CACNA1C: variants seen among roughly 807,000 people sequenced by gnomAD.
CACNA1C encodes the protein voltage-dependent L-type calcium channel subunit alpha-1C.
CACNA1C carries 30 observed loss-of-function variants against 229.0 expected under a neutral mutation model. That is an observed-to-expected ratio of 0.13 (90% CI 0.10 to 0.18). The LOEUF (loss-of-function observed/expected upper bound fraction) is 0.18. CACNA1C is among the 10% of genes least tolerant of loss of function. The pLI, the probability that CACNA1C is intolerant of heterozygous loss-of-function variation, is 1.00. For missense variants in CACNA1C, 1,658 were observed against 2,845.0 expected, an observed-to-expected ratio of 0.58 and a Z score of 9.49; for synonymous variants, 1,114 against 1,132.5, an observed-to-expected ratio of 0.98 and a Z score of 0.33.
intron 39 of CACNA1C, chr12:2,676,390 A>G (rs2153781012): frequency 6.6e-6 from 1 of 152,334 alleles, no homozygotes; most frequent in East Asian, 1.9e-4. Context: ...GCATCTCTTC[A>G]CAAAGAACCA....
At chr12:2,050,014 T>C (rs991487815), upstream of CACNA1C, among the ~76,000 whole-genome samples, 3 of 152,232 alleles carry the variant, frequency 2.0e-5, no homozygotes, top group African/African-American at 7.2e-5. Flanking sequence ...GAGGTAATAT[T>C]TACTTGCTAG....
At chr12:2,631,454 G>A (rs1307138161) in intron 29 of CACNA1C, among the ~76,000 whole-genome samples, 1 of 152,204 alleles carries the variant, frequency 6.6e-6, no homozygotes, top group African/African-American at 2.4e-5. Flanking sequence ...GGGTCACCCA[G>A]TGTTTTCCAA....
chr12:2,253,584 G>A (rs2076365174), intron 3 of CACNA1C, among the ~76,000 whole-genome samples: 1 of 152,208 alleles, frequency 6.6e-6, no homozygotes, highest in Non-Finnish European at 1.5e-5. Context: ...AAGAACATCT[G>A]CTGTGGAAAT....
At chr12:2,553,096 G>A (rs1233117909) in intron 10 of CACNA1C, among the ~76,000 whole-genome samples, 1 of 152,144 alleles carries the variant, frequency 6.6e-6, no homozygotes, top group Non-Finnish European at 1.5e-5. Context: ...GAAAATGAAA[G>A]AAGAGGAGTC....
chr12:2,161,793 A>AT (rs2154248151), intron 3 of CACNA1C, among the ~76,000 whole-genome samples: 1 of 152,322 alleles, frequency 6.6e-6, no homozygotes, highest in African/African-American at 2.4e-5. Context: ...ACCGTATATC[A>AT]AACTTTGCAA....
chr12:2,650,255 C>A (rs2094808764), intron 31 of CACNA1C, among the ~76,000 whole-genome samples: 1 of 152,220 alleles, frequency 6.6e-6, no homozygotes, highest in Admixed American at 6.5e-5. Context: ...TCATAATCTC[C>A]TGTCCTGCAT....
chr12:2,519,366 G>A (rs1196957637), intron 9 of CACNA1C, among the ~76,000 whole-genome samples: 1 of 152,232 alleles, frequency 6.6e-6, no homozygotes. Flanking sequence ...TAAGCTGTTG[G>A]AACAGGTGAG....
intron 9 of CACNA1C, among the ~76,000 whole-genome samples, chr12:2,542,725 C>CAGGT (rs1285606077): frequency 6.6e-6 from 1 of 152,122 alleles, no homozygotes; most frequent in African/African-American, 2.4e-5. Context: ...CACACCAAAG[C>CAGGT]AGGTCGGGGG....
chr12:2,620,460 GA>G (rs1227991012), intron 29 of CACNA1C, among the ~76,000 whole-genome samples: 1 of 152,178 alleles, frequency 6.6e-6, no homozygotes, highest in African/African-American at 2.4e-5. Flanking sequence ...ATCCGAGACA[GA>G]AAGAAAGAAA....
chr12:2,450,548 C>A (rs1249980409), intron 4 of CACNA1C, among the ~76,000 whole-genome samples: 1 of 70,460 alleles, frequency 1.4e-5, no homozygotes, highest in Non-Finnish European at 2.3e-5. Flanking sequence ...AGCGAGACTC[C>A]ATCTCAAAAA....
At chr12:2,303,664 G>A (rs2094763316) in intron 3 of CACNA1C, among the ~76,000 whole-genome samples, 1 of 152,162 alleles carries the variant, frequency 6.6e-6, no homozygotes, top group Non-Finnish European at 1.5e-5. Flanking sequence ...GAGGTGCTAG[G>A]GGTGAGGGCT....
intron 3 of CACNA1C, among the ~76,000 whole-genome samples, chr12:2,389,853 G>A (rs2098454871): frequency 6.6e-6 from 1 of 152,016 alleles, no homozygotes; most frequent in Non-Finnish European, 1.5e-5. Flanking sequence ...CACTCCCTCT[G>A]TCCCCTGGGC....
Position 2,570,584 on chromosome 12 carries a change from C to T in CACNA1C, c.1895+2790C>T, listed in dbSNP as rs146304969. Among the ~76,000 whole-genome samples, 205 of 152,164 alleles carry T rather than the reference C, an allele frequency of 1.3e-3. 1 individual carries two copies. Among genetic ancestry groups the T allele is most frequent in the African/African-American group, 4.8e-3 (201 of 41,500 alleles). On this transcript the variant is annotated intron_variant, in intron 13 of 46. Transcript: ENST00000399655. Reference sequence around the variant, plus strand: ...CTTGTTCTTACTTATTTACCCACTACGTATATACTGTGTATTGAGCTCAGA... The same window carrying T: ...CTTGTTCTTACTTATTTACCCACTATGTATATACTGTGTATTGAGCTCAGA...
At position 2,653,787 on chromosome 12, in the gene CACNA1C, T is replaced by C. The variant is rs767030596; in HGVS notation, c.4075-48T>C. 12 of 1,544,642 alleles carry C rather than the reference T, an allele frequency of 7.8e-6. No homozygotes were observed. Among genetic ancestry groups the C allele is most frequent in the Non-Finnish European group, 7.2e-6 (8 of 1,118,344 alleles). ...GGCGCTCCCTGGGAAGGGGCCCAGC[T>C]GGCCTCTGCACTCCAGCCTCATGGG... On this transcript the variant is annotated intron_variant, in intron 32 of 46. Transcript: ENST00000399655. This position sits in a 1 kb window ranked among gnomAD's most constrained non-coding sequence, Gnocchi z 4.7.
chr12:2,333,649 G>A (rs1031659950), intron 3 of CACNA1C, among the ~76,000 whole-genome samples: 1 of 152,158 alleles, frequency 6.6e-6, no homozygotes, highest in Non-Finnish European at 1.5e-5. Context: ...AAGGCGTAAC[G>A]ACAGGGGACA....
Position 2,455,343 on chromosome 12 carries a change from AATAATT to A in CACNA1C, c.618-2219_618-2214del, listed in dbSNP as rs1013136403. Among the ~76,000 whole-genome samples, 19 of 148,300 alleles carry A rather than the reference AATAATT, an allele frequency of 1.3e-4. No individual in the cohort carries two copies. The East Asian group carries it at 1.8e-3, about 14-fold the overall frequency. On this transcript the variant is annotated intron_variant, in intron 4 of 46. Coordinates refer to ENST00000399655, the MANE Select transcript of CACNA1C (RefSeq NM_000719.7). ...TGTGGCTAATCTGCATTGCAATAATAATAATTATAAGTATAAAACATACAGCATATT... is the reference window on the plus strand; with the variant it reads ...TGTGGCTAATCTGCATTGCAATAATAATAAGTATAAAACATACAGCATATT...
At chr12:2,540,021 G>A (rs1449183932) in intron 9 of CACNA1C, among the ~76,000 whole-genome samples, 2 of 152,194 alleles carry the variant, frequency 1.3e-5, no homozygotes, top group Non-Finnish European at 1.5e-5. Context: ...GGGCCATGGG[G>A]CAGACATGTG....
At chr12:2,145,281 T>C (rs186746545) in intron 3 of CACNA1C, among the ~76,000 whole-genome samples, 1 of 151,260 alleles carries the variant, frequency 6.6e-6, no homozygotes, top group South Asian at 2.1e-4. Context: ...TTGGAAGAGC[T>C]TCCTGCCTGA....
At chr12:2,120,287 C>A in intron 2 of CACNA1C, 38 bp from the exon 3 acceptor site, 2 of 958,660 alleles carry the variant, frequency 2.1e-6, no homozygotes, top group African/African-American at 1.6e-5. Context: ...TTCACTTGTA[C>A]TTTCTGTGGC....
Sources: gnomAD v4.1 joint callset for allele counts (sites outside exome capture counted in the v4.1 genomes callset) on GRCh38, gnomAD v4.1.1 for gene constraint, Gnocchi (gnomAD v3.1) non-coding constraint, MANE v1.5 for transcripts, NCBI Gene and HGNC (gene_info 2026-07-23, HGNC 2026-07-21) for gene names.